Variants in OXR1 observed in about 807,000 individuals in gnomAD.
OXR1 encodes oxidation resistance protein 1.
OXR1 carries 41 observed loss-of-function variants against 104.6 expected under a neutral mutation model. That is an observed-to-expected ratio of 0.39 (90% CI 0.31 to 0.51). The LOEUF (loss-of-function observed/expected upper bound fraction) is 0.51, where lower values mean the gene tolerates loss of function less well. Among genes scored for constraint, OXR1 ranks in the 20% least tolerant of loss-of-function variants. OXR1 has a pLI of 0.77. For missense variants in OXR1, 955 were observed against 1,031.9 expected (o/e 0.93, Z 1.02); for synonymous variants, 348 against 348.4 (o/e 1.00, Z 0.01).
At chr8:106,338,987 A>G (rs559245132) in intron 1 of OXR1, among the ~76,000 whole-genome samples, 32 of 152,182 alleles carry the variant, frequency 2.1e-4, no homozygotes, top group African/African-American at 7.5e-4. Flanking sequence ...AGGAATTTAC[A>G]CATATTACAT....
intron 2 of OXR1, among the ~76,000 whole-genome samples, chr8:106,394,231 G>A (rs1817690183): frequency 6.7e-6 from 1 of 149,976 alleles, no homozygotes; most frequent in African/African-American, 2.5e-5. Flanking sequence ...CTTTTTGAAA[G>A]ATGAAATCTT....
intron 3 of OXR1, among the ~76,000 whole-genome samples, chr8:106,598,176 T>C (rs775644922): frequency 3.3e-5 from 5 of 152,212 alleles, no homozygotes; most frequent in Non-Finnish European, 7.3e-5. Context: ...TGGAGGAGCT[T>C]GAAGCTTAGA....
At chr8:106,697,749 C>T in intron 7 of OXR1, 2 of 1,613,838 alleles carry the variant, frequency 1.2e-6, no homozygotes, top group Non-Finnish European at 1.7e-6. Context: ...TCTCCATCTG[C>T]TTGAAGGCCA....
In OXR1 at chr8:106,518,944, C is replaced by T; in HGVS notation, c.25C>T (p.Leu9=). The change falls in exon 3 of 17, where the codon CTG becomes TTG. Residue 9 remains leucine, a splice_region_variant and synonymous_variant. Transcript: ENST00000517566. MSVSNLSW[L]KKKSQSVDIN... ...GCATGTGGTCTTCTTTACTTGTAGG[C>T]TGAAGAAAAAGTCCCAGTCGGTGGA... The T allele has an allele frequency of 6.5e-7, 1 of 1,548,376 alleles. No homozygotes were observed. The highest frequency in any genetic ancestry group is 8.7e-7 in the Non-Finnish European group (1 of 1,144,724).
chr8:106,405,752 A>G (rs114377325), intron 2 of OXR1, among the ~76,000 whole-genome samples: 1,984 of 152,296 alleles, frequency 0.013, 37 homozygotes, highest in African/African-American at 0.043. Context: ...AACTGACTAC[A>G]GATGATGAAG....
At chr8:106,698,406 T>C (rs150865356) in intron 7 of OXR1, among the ~76,000 whole-genome samples, 27 of 152,326 alleles carry the variant, frequency 1.8e-4, no homozygotes, top group African/African-American at 6.3e-4. Flanking sequence ...GGGGTTCCTT[T>C]AGCTTGGTTC....
intron 2 of OXR1, among the ~76,000 whole-genome samples, chr8:106,435,814 C>T (rs1448204439): frequency 6.6e-6 from 1 of 152,124 alleles, no homozygotes; most frequent in Non-Finnish European, 1.5e-5. Context: ...GTATAGTAAC[C>T]ATTCTTTGTG....
At chr8:106,306,439 C>A (rs867467517) in intron 1 of OXR1, among the ~76,000 whole-genome samples, 2 of 151,626 alleles carry the variant, frequency 1.3e-5, no homozygotes, top group Non-Finnish European at 2.9e-5. Context: ...AAGATATTTA[C>A]CAAAAGCAAA....
intron 3 of OXR1, among the ~76,000 whole-genome samples, chr8:106,554,937 C>A (rs534500589): frequency 6.6e-6 from 1 of 152,164 alleles, no homozygotes; most frequent in African/African-American, 2.4e-5. Context: ...TTAAAGTATA[C>A]AACAGGATAT....
rs149785457 is a variant in OXR1, at chr8:106,560,818, C to T, written c.220+41679C>T. Reference sequence around the variant, plus strand: ...TTTCCAATGGAGGTACCGAGTTCATCTCATTGAGACTAGTTAGACAATGGG... The same window carrying T: ...TTTCCAATGGAGGTACCGAGTTCATTTCATTGAGACTAGTTAGACAATGGG... On this transcript the variant is annotated intron_variant, in intron 3 of 16. Transcript: ENST00000517566. 3.6e-4 allele frequency among the ~76,000 whole-genome samples: 55 copies of T among 152,312 alleles called. No individual in the cohort carries two copies. The East Asian group carries it at 9.1e-3, about 25-fold the overall frequency.
chr8:106,387,295 A>G (rs1360257574), intron 2 of OXR1, among the ~76,000 whole-genome samples: 1 of 152,196 alleles, frequency 6.6e-6, no homozygotes, highest in African/African-American at 2.4e-5. Flanking sequence ...CATTCTTTTT[A>G]GTTGTTTGTT....
At chr8:106,657,886 T>C (rs1267011109) in intron 3 of OXR1, 4 of 1,016,218 alleles carry the variant, frequency 3.9e-6, no homozygotes, top group Non-Finnish European at 5.1e-6. Flanking sequence ...CCGCCTCCCC[T>C]GGGTCAGGTC....
chr8:106,307,926 T>C (rs1813530119), intron 1 of OXR1, among the ~76,000 whole-genome samples: 3 of 152,096 alleles, frequency 2.0e-5, no homozygotes, highest in African/African-American at 4.8e-5. Context: ...GGACCACTTA[T>C]ATTAATCAAT....
In OXR1 at chr8:106,620,124, A is replaced by G. The variant is rs774033252; in HGVS notation, c.221-59086A>G. On this transcript the variant is annotated intron_variant, in intron 3 of 16. Transcript: ENST00000517566. ...GCATTTTGCTTCATTGTACCCATCC[A>G]TAGGCACTTAATAAGTGCTTATCGA... 3.9e-5 allele frequency among the ~76,000 whole-genome samples: 6 copies of G among 152,206 alleles called. No individual in the cohort carries two copies. The East Asian group carries it at 9.6e-4, about 24-fold the overall frequency.
intron 1 of OXR1, among the ~76,000 whole-genome samples, chr8:106,276,298 C>G (rs932786902): frequency 2.6e-5 from 4 of 152,158 alleles, no homozygotes; most frequent in African/African-American, 9.7e-5. Context: ...GATCATGAAG[C>G]CTGGTTTTTG....
chr8:106,446,816 C>T (rs529660092), intron 2 of OXR1, among the ~76,000 whole-genome samples: 6 of 152,220 alleles, frequency 3.9e-5, no homozygotes, highest in Non-Finnish European at 7.4e-5. Context: ...TCTGTACTCT[C>T]AGCTACTCTG....
rs148450020 is a variant in OXR1 at position 106,706,617 on chromosome 8, T to C, written c.1096T>C (p.Ser366Pro). ...ELRQDKSSGA[S>P]SESVQTVNQA... ...GCGACAAGATAAATCTTCTGGTGCGTCATCAGAATCTGTGCAAACTGTCAA... is the reference window on the plus strand; with the variant it reads ...GCGACAAGATAAATCTTCTGGTGCGCCATCAGAATCTGTGCAAACTGTCAA... The change falls in exon 9 of 17, where the codon TCA becomes CCA. Residue 366 changes from serine (S) to proline (P), a missense_variant. Transcript: ENST00000517566. 7.4e-5 allele frequency: 120 copies of C among 1,612,984 alleles called. No homozygotes were observed. Among genetic ancestry groups the C allele is most frequent in the Non-Finnish European group, 9.9e-5 (117 of 1,179,726 alleles).
chr8:106,554,691 C>G (rs917922018), intron 3 of OXR1, among the ~76,000 whole-genome samples: 1 of 152,236 alleles, frequency 6.6e-6, no homozygotes, highest in East Asian at 1.9e-4. Context: ...ATGTCACCCC[C>G]AGATGTGAAA....
intron 2 of OXR1, among the ~76,000 whole-genome samples, chr8:106,426,622 G>T (rs1311000359): frequency 6.6e-6 from 1 of 152,144 alleles, no homozygotes; most frequent in Non-Finnish European, 1.5e-5. Flanking sequence ...CTAGATACAG[G>T]TTGTGTGGGT....
Sources: allele counts gnomAD v4.1 joint callset (sites outside exome capture counted in the v4.1 genomes callset), GRCh38; gene constraint gnomAD v4.1.1; transcripts MANE v1.5; gene names NCBI Gene and HGNC (gene_info 2026-07-23, HGNC 2026-07-21).